The following ATAT1 variants were observed in gnomAD, a reference collection of about 807,000 sequenced individuals.
ATAT1 encodes alpha tubulin acetyltransferase 1.
Under a neutral mutation model 57.2 loss-of-function variants are expected in ATAT1, and 42 were observed. The ratio of observed to expected loss-of-function variants is 0.73; its 90% CI spans 0.57 to 0.95. The LOEUF is 0.95. ATAT1 is among the 40% of genes least tolerant of loss of function. The pLI, the probability that ATAT1 is intolerant of heterozygous loss-of-function variation, is 0.00. For synonymous variants in ATAT1, 168 were observed against 187.1 expected (o/e 0.90, Z 0.83); for missense variants, 454 against 523.7 (o/e 0.87, Z 1.30).
intron 6 of ATAT1, among the ~76,000 whole-genome samples, chr6:30,634,181 A>G (rs761654491): frequency 6.6e-6 from 1 of 152,190 alleles, no homozygotes; most frequent in African/African-American, 2.4e-5. Flanking sequence ...TTGCTCTTTT[A>G]AAAGTACTTT....
At chr6:30,643,802 T>G in intron 10 of ATAT1, 1 of 1,339,590 alleles carries the variant, frequency 7.5e-7, no homozygotes, top group Non-Finnish European at 9.6e-7. Flanking sequence ...CTGAATACTT[T>G]CCCAACAGGA....
intron 1 of ATAT1, 138 bp from the exon 2 acceptor site, chr6:30,627,322 T>A: frequency 6.2e-7 from 1 of 1,612,690 alleles, no homozygotes; most frequent in Non-Finnish European, 8.5e-7. Flanking sequence ...GAAATCAGAT[T>A]GGAAGACTCC....
intron 6 of ATAT1, among the ~76,000 whole-genome samples, chr6:30,634,426 T>C (rs1219422354): frequency 6.6e-6 from 1 of 151,514 alleles, no homozygotes. Flanking sequence ...AATTTTTGTA[T>C]TTTTAGCAGA....
Position 30,640,548 on chromosome 6 carries a change from C to A in ATAT1, c.561C>A (p.Pro187=). The A allele has an allele frequency of 6.2e-7, 1 of 1,613,078 alleles. No individual in the cohort carries two copies. The highest frequency in any genetic ancestry group is 8.5e-7 in the Non-Finnish European group (1 of 1,180,032). Residue 187 remains proline (P), a synonymous_variant, in exon 8 of 13, where the codon CCC becomes CCA. Transcript: ENST00000330083. ...CCTTCCTCACAGGGCCCCCTGCTCC[C>A]TCTCTGAGGGCAACTCGACACTCTC...
At position 30,642,833 on chromosome 6, in the gene ATAT1, G is replaced by GGGGGGGGCGCCCCC; in HGVS notation, c.754_755insGGGGGGGCGCCCCC (p.Ala252GlyfsTer72). 1 of 1,537,874 alleles carries GGGGGGGGCGCCCCC rather than the reference G, an allele frequency of 6.5e-7. No homozygotes were observed. The highest frequency in any genetic ancestry group is 8.7e-7 in the Non-Finnish European group (1 of 1,145,780). ...GGCCCCTCGCCGCGCCACACCTCCAGCCCACCCACCCCCCCGCTCCAGCAG... is the reference window on the plus strand; with the variant it reads ...GGCCCCTCGCCGCGCCACACCTCCAGGGGGGGGCGCCCCCCCCACCCACCCCCCCGCTCCAGCAG... On this transcript the variant is annotated frameshift_variant, in exon 10 of 13. Coordinates refer to ENST00000330083, the MANE Select transcript of ATAT1 (RefSeq NM_001031722.4). LOFTEE classifies it high-confidence loss of function.
intron 12 of ATAT1, 66 bp from the exon 13 acceptor site, chr6:30,646,403 G>C (rs1440148235): frequency 1.4e-6 from 2 of 1,462,692 alleles, no homozygotes; most frequent in Non-Finnish European, 1.8e-6. Context: ...AGACCTTGAA[G>C]AGTCTGTAAT....
Position 30,639,196 on chromosome 6 carries a change from G to A in ATAT1, c.502-1181G>A, listed in dbSNP as rs530681699. Among the ~76,000 whole-genome samples the A allele has an allele frequency of 2.0e-4, 31 of 152,182 alleles. 1 individual carries two copies. Among genetic ancestry groups the A allele is most frequent in the African/African-American group, 7.0e-4 (29 of 41,532 alleles). On this transcript the variant is annotated intron_variant, in intron 6 of 12. Coordinates refer to ENST00000330083, the MANE Select transcript of ATAT1 (RefSeq NM_001031722.4). ...AGGGTTTCACCATCTTGGCCAGACC[G>A]GTCTTGAACTCCTGACCTCAAGTGA...
intron 12 of ATAT1, 27 bp from the exon 13 acceptor site, chr6:30,646,442 C>A: frequency 1.3e-6 from 2 of 1,540,258 alleles, no homozygotes; most frequent in Non-Finnish European, 1.8e-6. Context: ...ATTCCTATAA[C>A]CCACTCTCCA....
At position 30,643,104 on chromosome 6, in the gene ATAT1, T is replaced by C; in HGVS notation, c.932+93T>C. On this transcript the variant is annotated intron_variant, in intron 10 of 12. Coordinates refer to ENST00000330083, the MANE Select transcript of ATAT1 (RefSeq NM_001031722.4). Reference sequence around the variant, plus strand: ...AATTTGAATCCATCAGAGAGATGGATCAATAAGATGGGTGGCTTGGGGGGG... The same window carrying C: ...AATTTGAATCCATCAGAGAGATGGACCAATAAGATGGGTGGCTTGGGGGGG... 2.0e-6 allele frequency: 3 copies of C among 1,516,828 alleles called. No homozygotes were observed. The South Asian group carries it at 4.0e-5, about 20-fold the overall frequency. 94.0% of individuals were successfully genotyped at this position (1,516,828 alleles called of 1,614,324 possible).
At chr6:30,629,519 A>G (rs759929298) in intron 6 of ATAT1, among the ~76,000 whole-genome samples, 2 of 151,694 alleles carry the variant, frequency 1.3e-5, no homozygotes, top group Non-Finnish European at 2.9e-5. Flanking sequence ...TGCTGGGATT[A>G]CAGGTGTGAG....
intron 10 of ATAT1, chr6:30,644,397 C>A: frequency 1.0e-6 from 1 of 985,832 alleles, no homozygotes; most frequent in Non-Finnish European, 1.2e-6. Context: ...AGATGGGGGA[C>A]CACTCTTCCT....
rs201449065 is a variant in ATAT1, at chr6:30,646,712, C to G, written c.*69C>G. ...CTACAGGAAAGAGCCAAAGCCCAAC[C>G]CTCATAATAGATGGATACATTCATT... On this transcript the variant is annotated 3_prime_UTR_variant, in exon 13 of 13. Transcript: ENST00000330083. 973 of 1,439,204 alleles carry G rather than the reference C, an allele frequency of 6.8e-4. 4 individuals carry two copies. Among genetic ancestry groups the G allele is most frequent in the Middle Eastern group, 6.7e-3 (29 of 4,322 alleles). The allele number at this position is 1,439,204 out of a possible 1,614,324, so 89.2% of individuals were successfully genotyped here.
Position 30,631,254 on chromosome 6 carries a change from C to T in ATAT1, c.501+2824C>T, listed in dbSNP as rs565421915. ...ATCCCAGCACTTTGGGAGGCCGAGGCGCGCGGATCACGAGGTCAGGAGATC... is the reference window on the plus strand; with the variant it reads ...ATCCCAGCACTTTGGGAGGCCGAGGTGCGCGGATCACGAGGTCAGGAGATC... On this transcript the variant is annotated intron_variant, in intron 6 of 12. Coordinates refer to ENST00000330083, the MANE Select transcript of ATAT1 (RefSeq NM_001031722.4). 1.5e-3 allele frequency among the ~76,000 whole-genome samples: 227 copies of T among 151,770 alleles called. 2 individuals are homozygous for T. Among genetic ancestry groups the T allele is most frequent in the Admixed American group, 5.6e-3 (86 of 15,230 alleles).
intron 6 of ATAT1, among the ~76,000 whole-genome samples, chr6:30,631,312 T>C (rs1049064334): frequency 6.6e-6 from 1 of 151,566 alleles, no homozygotes; most frequent in Non-Finnish European, 1.5e-5. Flanking sequence ...TGAAACCCTG[T>C]CTCCACTAAA....
chr6:30,634,667 A>G (rs1339052844), intron 6 of ATAT1, among the ~76,000 whole-genome samples: 3 of 150,194 alleles, frequency 2.0e-5, no homozygotes, highest in Admixed American at 6.6e-5. Context: ...AAGGAGGAAA[A>G]AAAAAAAAAA....
intron 8 of ATAT1, chr6:30,641,825 T>A: frequency 9.1e-7 from 1 of 1,097,586 alleles, no homozygotes; most frequent in Non-Finnish European, 1.1e-6. Context: ...CTGGGACCAT[T>A]CCACTGCCCC....
chr6:30,635,290 G>A (rs1190492612), intron 6 of ATAT1, among the ~76,000 whole-genome samples: 1 of 152,078 alleles, frequency 6.6e-6, no homozygotes, highest in Non-Finnish European at 1.5e-5. Flanking sequence ...CAACCACAGA[G>A]TGACTAGTGA....
intron 6 of ATAT1, among the ~76,000 whole-genome samples, chr6:30,639,787 C>A (rs1162733869): frequency 6.6e-6 from 1 of 152,026 alleles, no homozygotes; most frequent in Non-Finnish European, 1.5e-5. Flanking sequence ...TTTACTGTAC[C>A]TTTTCTGTGT....
chr6:30,642,868 C>T lies in ATAT1; in HGVS notation c.789C>T (p.Asn263=). ...CCCCCCGCTCCAGCAGCCTGGGAAA[C>T]TCACCAGAACGAGGTCCCCTCCGCC... is the stretch of plus-strand genomic sequence containing the variant. Residue 263 remains asparagine (N), a synonymous_variant, in exon 10 of 13, where the codon AAC becomes AAT. Transcript: ENST00000330083. The T allele has an allele frequency of 6.5e-7, 1 of 1,535,046 alleles. No individual in the cohort carries two copies. The highest frequency in any genetic ancestry group is 8.7e-7 in the Non-Finnish European group (1 of 1,145,330).
Sources: allele counts gnomAD v4.1 joint callset (sites outside exome capture counted in the v4.1 genomes callset), GRCh38; gene constraint gnomAD v4.1.1; transcripts MANE v1.5; gene names NCBI Gene and HGNC (gene_info 2026-07-23, HGNC 2026-07-21).